Variants in ZNF536 observed in about 807,000 individuals in gnomAD.
The protein encoded by ZNF536 is zinc finger protein 536.
ZNF536 carries 13 observed loss-of-function variants against 84.5 expected under a neutral mutation model. The observed-to-expected ratio is 0.15, with a 90% CI of 0.10 to 0.24. ZNF536 has a LOEUF of 0.24. ZNF536 is among the 10% of genes least tolerant of loss of function. The pLI, the probability that ZNF536 is intolerant of heterozygous loss-of-function variation, is 1.00. For synonymous variants in ZNF536, 811 were observed against 742.5 expected, an observed-to-expected ratio of 1.09 and a Z score of -1.50; for missense variants, 1,536 against 1,747.5, an observed-to-expected ratio of 0.88 and a Z score of 2.16.
At chr19:30,628,682 G>T (rs890569185) in intron 1 of ZNF536, among the ~76,000 whole-genome samples, 5 of 151,518 alleles carry the variant, frequency 3.3e-5, no homozygotes, top group Non-Finnish European at 5.9e-5. Flanking sequence ...ACCCACCTTG[G>T]CCTCCCTTTA....
intron 2 of ZNF536, among the ~76,000 whole-genome samples, chr19:30,459,334 C>G (rs1026143976): frequency 9.3e-6 from 1 of 107,356 alleles, no homozygotes; most frequent in Non-Finnish European, 2.0e-5. Context: ...TTCTTTCTTT[C>G]TTTCCTTCTT....
upstream of ZNF536, among the ~76,000 whole-genome samples, chr19:30,369,321 T>G (rs938772954): frequency 6.6e-6 from 1 of 152,200 alleles, no homozygotes; most frequent in Non-Finnish European, 1.5e-5. Flanking sequence ...ATGTATTTGG[T>G]TTGATGATAC....
intron 1 of ZNF536, among the ~76,000 whole-genome samples, chr19:30,392,680 A>T (rs1431150603): frequency 6.6e-6 from 1 of 152,138 alleles, no homozygotes; most frequent in Non-Finnish European, 1.5e-5. Context: ...GCTCCCAAAC[A>T]AAGAGTTATG....
downstream of ZNF536, among the ~76,000 whole-genome samples, chr19:30,559,223 T>C (rs749230252): frequency 1.8e-4 from 27 of 152,236 alleles, no homozygotes; most frequent in Non-Finnish European, 3.8e-4. Context: ...TGTTGCCTGA[T>C]TCCCTTCATA....
intron 1 of ZNF536, among the ~76,000 whole-genome samples, chr19:30,624,042 CCTT>C (rs1184920641): frequency 6.6e-6 from 1 of 152,138 alleles, no homozygotes; most frequent in Non-Finnish European, 1.5e-5. Context: ...CTCTGCCTCT[CCTT>C]CATAAATGAC....
intron 1 of ZNF536, among the ~76,000 whole-genome samples, chr19:30,392,203 G>T (rs987638668): frequency 2.0e-5 from 3 of 152,084 alleles, no homozygotes; most frequent in African/African-American, 7.2e-5. Context: ...TCCTTCCTAG[G>T]GGAGGCCCAG....
At chr19:30,386,257 C>T (rs528913873) in intron 1 of ZNF536, among the ~76,000 whole-genome samples, 133 of 152,318 alleles carry the variant, frequency 8.7e-4, no homozygotes, top group Admixed American at 3.3e-3. Context: ...CCAATTCTCA[C>T]GCTGCTCTGA....
chr19:30,465,778 T>A (rs1263502003), intron 2 of ZNF536, among the ~76,000 whole-genome samples: 3 of 151,944 alleles, frequency 2.0e-5, no homozygotes, highest in Non-Finnish European at 4.4e-5. Context: ...TGAGATGGAG[T>A]CTTGCTCTGT....
At chr19:30,490,881 C>T (rs948202266) in intron 2 of ZNF536, among the ~76,000 whole-genome samples, 6 of 152,154 alleles carry the variant, frequency 3.9e-5, no homozygotes, top group African/African-American at 1.2e-4. Context: ...GTTTGCCAGG[C>T]GCCCCAGCCC....
chr19:30,311,459 C>G (rs1158560651), intron 2 of ZNF536, among the ~76,000 whole-genome samples: 1 of 152,260 alleles, frequency 6.6e-6, no homozygotes, highest in Non-Finnish European at 1.5e-5. Flanking sequence ...TTTGTGGGGC[C>G]TGCACTGCTC....
In ZNF536 at chr19:30,488,306, G is replaced by A. The variant is rs532686018; in HGVS notation, c.2170+42574G>A. 1.1e-3 allele frequency among the ~76,000 whole-genome samples: 167 copies of A among 152,108 alleles called. 2 individuals carry two copies. Among genetic ancestry groups the A allele is most frequent in the African/African-American group, 3.7e-3 (155 of 41,498 alleles). On this transcript the variant is annotated intron_variant, in intron 2 of 4. Transcript: ENST00000355537. ...TTTTTCAATGTCAGTGGCCCTCTAA[G>A]GTGTTCTGCAGGATGTGAAACCTCC...
chr19:30,620,029 C>CTT (rs35581619), intron 1 of ZNF536, among the ~76,000 whole-genome samples: 7 of 135,078 alleles, frequency 5.2e-5, no homozygotes, highest in South Asian at 4.8e-4. Flanking sequence ...TTCCTCTATG[C>CTT]TTTTTTTTTT....
At chr19:30,255,103 G>T (rs1048292252) in intron 1 of ZNF536, among the ~76,000 whole-genome samples, 2 of 152,148 alleles carry the variant, frequency 1.3e-5, no homozygotes, top group African/African-American at 4.8e-5. Context: ...TTAGCACCGT[G>T]TGGCATAATT....
intron 2 of ZNF536, among the ~76,000 whole-genome samples, chr19:30,301,930 C>T (rs2046198927): frequency 6.6e-6 from 1 of 151,902 alleles, no homozygotes; most frequent in Non-Finnish European, 1.5e-5. Context: ...TCTGCCCCAC[C>T]TCTGCACACT....
At chr19:30,385,961 A>G (rs1257511062) in intron 1 of ZNF536, among the ~76,000 whole-genome samples, 1 of 152,196 alleles carries the variant, frequency 6.6e-6, no homozygotes, top group African/African-American at 2.4e-5. Context: ...GCAGATGGAC[A>G]TCAGGGATCA....
chr19:30,381,940 G>A (rs1041561132), intron 1 of ZNF536, among the ~76,000 whole-genome samples: 2 of 152,170 alleles, frequency 1.3e-5, no homozygotes, highest in Admixed American at 1.3e-4. Flanking sequence ...TACAGGGGAA[G>A]CCAGCAAAAA....
chr19:30,258,791 C>G (rs2025043952), intron 1 of ZNF536, among the ~76,000 whole-genome samples: 1 of 151,874 alleles, frequency 6.6e-6, no homozygotes, highest in Non-Finnish European at 1.5e-5. Context: ...GATCTCCGTT[C>G]ACTGCAACCT....
At chr19:30,384,981 C>T (rs1303223743) in intron 1 of ZNF536, among the ~76,000 whole-genome samples, 1 of 152,026 alleles carries the variant, frequency 6.6e-6, no homozygotes, top group African/African-American at 2.4e-5. Flanking sequence ...GATCACGTCA[C>T]TGCCCTCCAG....
At chr19:30,706,213 G>A (rs1363264446) in intron 1 of ZNF536, among the ~76,000 whole-genome samples, 2 of 152,138 alleles carry the variant, frequency 1.3e-5, no homozygotes, top group Admixed American at 6.5e-5. Flanking sequence ...GGCTGGGCGC[G>A]GTGGCTCACG....
Sources: gnomAD v4.1 joint callset for allele counts (sites outside exome capture counted in the v4.1 genomes callset) on GRCh38, gnomAD v4.1.1 for gene constraint, MANE v1.5 for transcripts, NCBI Gene and HGNC (gene_info 2026-07-23, HGNC 2026-07-21) for gene names.